ATXN7L1: variants seen among roughly 807,000 people sequenced by gnomAD.
The protein encoded by ATXN7L1 is ataxin 7 like 1.
ATXN7L1 carries 15 observed loss-of-function variants against 70.8 expected under a neutral mutation model. The observed-to-expected ratio is 0.21, with a 90% CI of 0.14 to 0.33. The LOEUF (loss-of-function observed/expected upper bound fraction) is 0.33, where lower values mean the gene tolerates loss of function less well. Ranked by LOEUF, ATXN7L1 falls within the 10% of genes least tolerant of loss-of-function variation. ATXN7L1 has a pLI of 1.00. For synonymous variants in ATXN7L1, 440 were observed against 445.1 expected, an observed-to-expected ratio of 0.99 and a Z score of 0.14; for missense variants, 975 against 1,097.1, an observed-to-expected ratio of 0.89 and a Z score of 1.57.
intron 3 of ATXN7L1, among the ~76,000 whole-genome samples, chr7:105,772,203 A>T (rs1203576216): frequency 6.6e-6 from 1 of 150,520 alleles, no homozygotes; most frequent in Non-Finnish European, 1.5e-5. Context: ...CCTCCTGAGT[A>T]GCTGGGATTA....
intron 2 of ATXN7L1, among the ~76,000 whole-genome samples, chr7:105,872,140 G>C (rs940967681): frequency 2.6e-5 from 4 of 151,928 alleles, no homozygotes; most frequent in Admixed American, 2.0e-4. Context: ...CTACAGGTGC[G>C]TGCCACCACG....
At chr7:105,806,170 C>A (rs529166888) in intron 2 of ATXN7L1, among the ~76,000 whole-genome samples, 84 of 152,218 alleles carry the variant, frequency 5.5e-4, no homozygotes, top group Middle Eastern at 3.4e-3. Context: ...AGAGACTGAA[C>A]TGCGTCCCCC....
At chr7:105,838,583 G>T (rs947047545) in intron 2 of ATXN7L1, among the ~76,000 whole-genome samples, 42 of 152,176 alleles carry the variant, frequency 2.8e-4, no homozygotes, top group African/African-American at 9.2e-4. Context: ...AGGAGCAGGG[G>T]CTGAGAGACT....
intron 3 of ATXN7L1, among the ~76,000 whole-genome samples, chr7:105,756,577 T>C (rs1185598552): frequency 6.6e-6 from 1 of 152,174 alleles, no homozygotes; most frequent in African/African-American, 2.4e-5. Flanking sequence ...AACCTGGATG[T>C]AGCAAAAACC....
chr7:105,747,338 A>T (rs1252432462), intron 3 of ATXN7L1, among the ~76,000 whole-genome samples: 1 of 152,146 alleles, frequency 6.6e-6, no homozygotes, highest in African/African-American at 2.4e-5. Flanking sequence ...GGGTTCGGAG[A>T]ACTTCTGGAT....
At chr7:105,736,699 T>C (rs1474038548) in intron 3 of ATXN7L1, among the ~76,000 whole-genome samples, 4 of 152,204 alleles carry the variant, frequency 2.6e-5, no homozygotes, top group African/African-American at 4.8e-5. Flanking sequence ...AAAGCAATTG[T>C]TCCAGAGAGC....
intron 3 of ATXN7L1, among the ~76,000 whole-genome samples, chr7:105,758,165 T>A (rs1435078417): frequency 6.6e-6 from 1 of 152,144 alleles, no homozygotes; most frequent in Non-Finnish European, 1.5e-5. Flanking sequence ...AAATTCCTGG[T>A]GGGCAGGCTG....
At chr7:105,702,466 A>C (rs1792568200) in intron 3 of ATXN7L1, among the ~76,000 whole-genome samples, 1 of 152,086 alleles carries the variant, frequency 6.6e-6, no homozygotes. Flanking sequence ...AAGAGGTATA[A>C]ATTGTGACTC....
intron 3 of ATXN7L1, among the ~76,000 whole-genome samples, chr7:105,785,350 C>T (rs1331610904): frequency 1.9e-4 from 29 of 152,144 alleles, no homozygotes; most frequent in Non-Finnish European, 1.5e-5. Context: ...CCTGTAGTTC[C>T]AGCTACTCTG....
chr7:105,615,717 G>T (rs1793788683), intron 9 of ATXN7L1, among the ~76,000 whole-genome samples: 1 of 152,144 alleles, frequency 6.6e-6, no homozygotes, highest in Non-Finnish European at 1.5e-5. Context: ...TTTCTAGTTT[G>T]TTCTGAAGAT....
intron 3 of ATXN7L1, among the ~76,000 whole-genome samples, chr7:105,722,203 C>T (rs981394811): frequency 1.3e-5 from 2 of 152,102 alleles, no homozygotes; most frequent in African/African-American, 4.8e-5. Context: ...GAGGGCAGGG[C>T]TGGGACTATG....
At chr7:105,648,968 A>C (rs1362315973) in intron 4 of ATXN7L1, among the ~76,000 whole-genome samples, 2 of 143,018 alleles carry the variant, frequency 1.4e-5, no homozygotes, top group Non-Finnish European at 2.9e-5. Context: ...TGAGTTGGCA[A>C]TAGCCTGATG....
intron 3 of ATXN7L1, among the ~76,000 whole-genome samples, chr7:105,718,319 T>A (rs1584818866): frequency 6.6e-6 from 1 of 152,186 alleles, no homozygotes; most frequent in Non-Finnish European, 1.5e-5. Flanking sequence ...TTTTGCAGAA[T>A]TGGAGCCAGC....
chr7:105,607,482 A>G lies in ATXN7L1; in HGVS notation c.*370T>C, dbSNP rs574158740. The G allele has an allele frequency of 1.6e-4, 40 of 252,756 alleles. No individual in the cohort carries two copies. In the Admixed American group the frequency reaches 1.9e-3, roughly 12 times the overall value. The allele number at this position is 252,756 out of a possible 1,614,324, so 15.7% of individuals were successfully genotyped here. A position where few individuals can be genotyped will look rare whatever the true frequency, so the allele number is the denominator to read the frequency against. ...TGCTACAGTTCAAGAGCTTCAGAGC[A>G]TGCCAACCTGGAACCAACATTCTGC... is the stretch of plus-strand genomic sequence containing the variant. On this transcript the variant is annotated 3_prime_UTR_variant, in exon 12 of 12. Coordinates refer to ENST00000419735, the MANE Select transcript of ATXN7L1 (RefSeq NM_020725.2).
intron 9 of ATXN7L1, among the ~76,000 whole-genome samples, chr7:105,617,350 A>G (rs1050019543): frequency 2.6e-5 from 4 of 152,250 alleles, no homozygotes; most frequent in Non-Finnish European, 4.4e-5. Flanking sequence ...TTAATGTCTC[A>G]ATTTATAATT....
chr7:105,745,886 T>G (rs1408537060), intron 3 of ATXN7L1, among the ~76,000 whole-genome samples: 1 of 152,026 alleles, frequency 6.6e-6, no homozygotes, highest in Non-Finnish European at 1.5e-5. Context: ...GACCTCCACC[T>G]GAGGTCCACA....
At chr7:105,611,633 A>C (rs1319351382) in intron 10 of ATXN7L1, among the ~76,000 whole-genome samples, 1 of 152,234 alleles carries the variant, frequency 6.6e-6, no homozygotes, top group African/African-American at 2.4e-5. Context: ...CGGCCTCCCG[A>C]AATGCTGGGA....
intron 3 of ATXN7L1, among the ~76,000 whole-genome samples, chr7:105,717,797 C>T (rs183718859): frequency 5.9e-5 from 9 of 152,224 alleles, no homozygotes; most frequent in African/African-American, 2.2e-4. Context: ...TTCTTAACTG[C>T]CAGTGAGGTT....
chr7:105,829,403 A>T (rs1254367039), intron 2 of ATXN7L1, among the ~76,000 whole-genome samples: 1 of 152,148 alleles, frequency 6.6e-6, no homozygotes, highest in East Asian at 1.9e-4. Context: ...AGATCAGGCC[A>T]TTGCACTCAT....
Sources: allele counts gnomAD v4.1 joint callset (sites outside exome capture counted in the v4.1 genomes callset), GRCh38; gene constraint gnomAD v4.1.1; transcripts MANE v1.5; gene names NCBI Gene and HGNC (gene_info 2026-07-23, HGNC 2026-07-21).